The following PCNX2 variants were observed in gnomAD, a reference collection of about 807,000 sequenced individuals.
PCNX2 encodes pecanex 2.
A neutral mutation model predicts 223.8 loss-of-function variants in PCNX2; 168 were observed. The ratio of observed to expected loss-of-function variants is 0.75; its 90% CI spans 0.66 to 0.85. The LOEUF (loss-of-function observed/expected upper bound fraction) is 0.85. PCNX2 is among the 40% of genes least tolerant of loss of function. The pLI is 0.00. For synonymous variants in PCNX2, 1,006 were observed against 1,052.6 expected (o/e 0.96, Z 0.86); for missense variants, 2,507 against 2,675.5 (o/e 0.94, Z 1.39).
Position 233,242,092 on chromosome 1 carries a change from A to G in PCNX2, c.2223-5112T>C, listed in dbSNP as rs565875077. On this transcript the variant is annotated intron_variant, in intron 8 of 33. Transcript: ENST00000258229. Reference sequence around the variant, plus strand: ...TGTCAACAAAAGAGTAAGAACTCTGAGGAGGTAGTAAAGATTAAGTACAGG... The same window carrying G: ...TGTCAACAAAAGAGTAAGAACTCTGGGGAGGTAGTAAAGATTAAGTACAGG... 1.2e-4 allele frequency among the ~76,000 whole-genome samples: 18 copies of G among 152,340 alleles called. No individual in the cohort carries two copies. The South Asian group carries it at 3.7e-3, about 32-fold the overall frequency.
At chr1:233,292,928 GT>G (rs943826330) in intron 1 of PCNX2, among the ~76,000 whole-genome samples, 16 of 151,420 alleles carry the variant, frequency 1.1e-4, no homozygotes, top group Non-Finnish European at 1.6e-4. Context: ...GGGCATATCT[GT>G]TTTTTTTTAA....
At chr1:233,222,215 G>A (rs990063384) in intron 10 of PCNX2, among the ~76,000 whole-genome samples, 2 of 152,190 alleles carry the variant, frequency 1.3e-5, no homozygotes, top group Admixed American at 1.3e-4. Flanking sequence ...AGGAAGGCCA[G>A]TATGGATGGA....
chr1:233,129,224 C>T (rs140290458), intron 21 of PCNX2, among the ~76,000 whole-genome samples: 5,535 of 152,238 alleles, frequency 0.036, 106 homozygotes, highest in African/African-American at 0.072. Context: ...AGAGCGGCCC[C>T]GGGCAGTGAG....
At chr1:233,111,787 C>A (rs1571887552) in intron 21 of PCNX2, among the ~76,000 whole-genome samples, 2 of 152,300 alleles carry the variant, frequency 1.3e-5, no homozygotes, top group African/African-American at 4.8e-5. Flanking sequence ...GTATTATTTA[C>A]AGTTTTACTT....
At chr1:233,022,403 G>T (rs529662299) in intron 26 of PCNX2, among the ~76,000 whole-genome samples, 6 of 152,330 alleles carry the variant, frequency 3.9e-5, no homozygotes, top group South Asian at 2.1e-4. Context: ...AAAGTTTGCA[G>T]AGCAAGGGGA....
At chr1:233,262,826 C>T in intron 2 of PCNX2, 132 bp downstream of exon 2, 1 of 817,630 alleles carries the variant, frequency 1.2e-6, no homozygotes, top group Non-Finnish European at 1.9e-6. Context: ...TAAGTATATG[C>T]TGAAATATAA....
intron 1 of PCNX2, chr1:233,294,069 AGTG>A (rs1558434254): frequency 8.1e-6 from 7 of 859,700 alleles, no homozygotes; most frequent in South Asian, 5.4e-5. Flanking sequence ...TTTTCTGTGA[AGTG>A]GTGATTGTGA....
chr1:233,107,391 A>AAAACAAAC (rs147842035), intron 21 of PCNX2, among the ~76,000 whole-genome samples: 1 of 151,708 alleles, frequency 6.6e-6, no homozygotes, highest in Non-Finnish European at 1.5e-5. Flanking sequence ...CTGACTCGAA[A>AAAACAAAC]AAACAAACAA....
At chr1:233,147,127 C>T (rs950008651) in intron 19 of PCNX2, among the ~76,000 whole-genome samples, 3 of 152,054 alleles carry the variant, frequency 2.0e-5, no homozygotes, top group Non-Finnish European at 4.4e-5. Flanking sequence ...TGTGTGAGCA[C>T]GTGAAACTAT....
the PCNX2 span, among the ~76,000 whole-genome samples, chr1:233,310,718 G>A: frequency 6.6e-6 from 1 of 152,128 alleles, no homozygotes; most frequent in Admixed American, 6.5e-5. Context: ...AAGAAAAGAG[G>A]TTTATTTGGC....
At chr1:233,031,848 T>C in intron 25 of PCNX2, 1 of 984,868 alleles carries the variant, frequency 1.0e-6, no homozygotes, top group East Asian at 1.1e-4. Context: ...TATACAACTT[T>C]TCTTCCCTCT....
At chr1:233,112,827 G>C (rs1675191432) in intron 21 of PCNX2, 2 of 1,266,398 alleles carry the variant, frequency 1.6e-6, no homozygotes, top group Non-Finnish European at 2.0e-6. Context: ...CAAATGGGGA[G>C]AAAAAGCTGA....
the PCNX2 span, among the ~76,000 whole-genome samples, chr1:233,310,861 A>C: frequency 6.6e-6 from 1 of 152,156 alleles, no homozygotes; most frequent in Non-Finnish European, 1.5e-5. Flanking sequence ...GAGAGAAGGC[A>C]AAAGAGAGAG....
At position 233,090,198 on chromosome 1, in the gene PCNX2, T is replaced by C; in HGVS notation, c.3947-8A>G. ...AGAAAAGCATGGCAGAATCTGAGAATGTTGAGTTAAGGCAAAAAAAAAAAT... is the reference window on the plus strand; with the variant it reads ...AGAAAAGCATGGCAGAATCTGAGAACGTTGAGTTAAGGCAAAAAAAAAAAT... On this transcript the variant is annotated splice_polypyrimidine_tract_variant and splice_region_variant and intron_variant, in intron 22 of 33. Coordinates refer to ENST00000258229, the MANE Select transcript of PCNX2 (RefSeq NM_014801.4). 2 of 1,608,512 alleles carry C rather than the reference T, an allele frequency of 1.2e-6. No homozygotes were observed. The highest frequency in any genetic ancestry group is 1.7e-5 in the Admixed American group (1 of 59,088).
chr1:233,022,991 C>CGGGA (rs1297703082), intron 26 of PCNX2, among the ~76,000 whole-genome samples: 6 of 152,080 alleles, frequency 3.9e-5, no homozygotes, highest in Admixed American at 1.3e-4. Flanking sequence ...GCCACTGCGC[C>CGGGA]GGGATGAGTC....
At chr1:233,078,130 T>C (rs2102916532) in intron 23 of PCNX2, among the ~76,000 whole-genome samples, 1 of 152,332 alleles carries the variant, frequency 6.6e-6, no homozygotes, top group Admixed American at 6.5e-5. Flanking sequence ...AACAAGCACA[T>C]GGCTATCAGA....
the PCNX2 span, among the ~76,000 whole-genome samples, chr1:233,313,867 G>C: frequency 5.3e-5 from 8 of 152,198 alleles, no homozygotes; most frequent in Non-Finnish European, 1.0e-4. Context: ...ATCAGACTGG[G>C]AAAAGACAAG....
intron 19 of PCNX2, among the ~76,000 whole-genome samples, chr1:233,159,469 A>C (rs1678334091): frequency 6.6e-6 from 1 of 152,198 alleles, no homozygotes; most frequent in Admixed American, 6.5e-5. Context: ...AGACAATTAG[A>C]TAACTCGCTA....
rs1207023781 is a variant in PCNX2 at position 232,991,271 on chromosome 1, G to A, written c.5792-4731C>T. 5.9e-5 allele frequency among the ~76,000 whole-genome samples: 9 copies of A among 152,130 alleles called. No homozygotes were observed. ...TGCAAGCCTGGGAGAGGGACACTGG[G>A]GACAGAGGAGGCAGCAGCTGAGGGG... is the stretch of plus-strand genomic sequence containing the variant. On this transcript the variant is annotated intron_variant, in intron 32 of 33. Coordinates refer to ENST00000258229, the MANE Select transcript of PCNX2 (RefSeq NM_014801.4). This position sits in a 1 kb window ranked among gnomAD's most constrained non-coding sequence, Gnocchi z 4.3.
Sources: allele counts gnomAD v4.1 joint callset (sites outside exome capture counted in the v4.1 genomes callset), GRCh38; gene constraint gnomAD v4.1.1; non-coding constraint Gnocchi (gnomAD v3.1); transcripts MANE v1.5; gene names NCBI Gene and HGNC (gene_info 2026-07-23, HGNC 2026-07-21).